The following NEK10 variants were observed in gnomAD, a reference collection of about 807,000 sequenced individuals.
NEK10 encodes NIMA related kinase 10, also known as serine/threonine-protein kinase Nek10.
NEK10 carries 122 observed loss-of-function variants against 159.8 expected under a neutral mutation model. The observed-to-expected ratio is 0.76, with a 90% CI of 0.66 to 0.89. NEK10 has a LOEUF of 0.89. Ranked by LOEUF, NEK10 falls within the 40% of genes least tolerant of loss-of-function variation. NEK10 has a pLI of 0.00. For synonymous variants in NEK10, 466 were observed against 457.1 expected, an observed-to-expected ratio of 1.02 and a Z score of -0.25; for missense variants, 1,342 against 1,323.1, an observed-to-expected ratio of 1.01 and a Z score of -0.22.
intron 26 of NEK10, among the ~76,000 whole-genome samples, chr3:27,187,499 T>C (rs773176159): frequency 2.6e-5 from 4 of 152,024 alleles, no homozygotes; most frequent in Non-Finnish European, 5.9e-5. Context: ...TGGGACTAGA[T>C]GGAAACCAAG....
At chr3:27,198,170 A>C (rs901550418) in intron 25 of NEK10, among the ~76,000 whole-genome samples, 6 of 152,086 alleles carry the variant, frequency 3.9e-5, no homozygotes, top group Non-Finnish European at 7.4e-5. Flanking sequence ...TCACAGATAG[A>C]AAGAATCAAT....
intron 5 of NEK10, among the ~76,000 whole-genome samples, chr3:27,342,670 T>A (rs1241925890): frequency 6.6e-6 from 1 of 152,182 alleles, no homozygotes; most frequent in Non-Finnish European, 1.5e-5. Context: ...TTTAGAATTG[T>A]TGAGATCTTT....
chr3:27,262,652 G>A (rs998855760), intron 22 of NEK10, among the ~76,000 whole-genome samples: 26 of 152,146 alleles, frequency 1.7e-4, no homozygotes, highest in African/African-American at 6.0e-4. Flanking sequence ...CATTCATCAT[G>A]TAGTTCTCGT....
intron 23 of NEK10, among the ~76,000 whole-genome samples, chr3:27,211,180 A>C (rs1001395159): frequency 1.3e-5 from 2 of 152,230 alleles, no homozygotes; most frequent in Non-Finnish European, 2.9e-5. Flanking sequence ...ACAGAATGAC[A>C]CAATTGATTT....
intron 26 of NEK10, among the ~76,000 whole-genome samples, chr3:27,188,997 C>T (rs1296004733): frequency 2.6e-5 from 4 of 152,096 alleles, no homozygotes; most frequent in Non-Finnish European, 5.9e-5. Context: ...ATTATGATGC[C>T]ACAATACCCT....
chr3:27,116,410 GTA>G (rs1240275708), intron 33 of NEK10, among the ~76,000 whole-genome samples: 20 of 152,256 alleles, frequency 1.3e-4, no homozygotes, highest in African/African-American at 4.6e-4. Flanking sequence ...GTGTGTGTGT[GTA>G]TGTGTTAAGG....
intron 31 of NEK10, among the ~76,000 whole-genome samples, chr3:27,136,254 A>G (rs979689229): frequency 6.6e-6 from 1 of 151,594 alleles, no homozygotes; most frequent in Non-Finnish European, 1.5e-5. Flanking sequence ...CTGGGACTAC[A>G]GGCGCCCACC....
chr3:27,369,271 G>A lies in NEK10; in HGVS notation c.-84C>T, dbSNP rs2049337329. On this transcript the variant is annotated 5_prime_UTR_variant, in exon 1 of 36. Transcript: ENST00000691995. The surrounding 1 kb of genome is among the most constrained non-coding windows in gnomAD (Gnocchi z 4.2). ...CCTTCAGGCCAATCTCCTTATCATTGTCCCTGCTGCTGTCACCTGCTGCTG... is the reference window on the plus strand; with the variant it reads ...CCTTCAGGCCAATCTCCTTATCATTATCCCTGCTGCTGTCACCTGCTGCTG... The A allele has an allele frequency of 6.6e-6, 1 of 152,424 alleles. No homozygotes were observed. The highest frequency in any genetic ancestry group is 2.4e-5 in the African/African-American group (1 of 41,418). 9.4% of individuals were successfully genotyped at this position (152,424 alleles called of 1,614,324 possible). A position where few individuals can be genotyped will look rare whatever the true frequency, so the allele number is the denominator to read the frequency against.
intron 35 of NEK10, among the ~76,000 whole-genome samples, 175 bp from the exon 36 acceptor site, chr3:27,111,495 G>C (rs1433425106): frequency 2.0e-5 from 3 of 152,152 alleles, no homozygotes; most frequent in African/African-American, 4.8e-5. Flanking sequence ...GCTGAAGTCT[G>C]GTGCTAACAA....
At chr3:27,114,267 C>T (rs1188150190) in intron 35 of NEK10, among the ~76,000 whole-genome samples, 5 of 152,146 alleles carry the variant, frequency 3.3e-5, no homozygotes, top group African/African-American at 1.2e-4. Context: ...GTTCCTGTTA[C>T]CATTTTCTTT....
At chr3:27,353,718 A>C (rs2048133758) in intron 1 of NEK10, among the ~76,000 whole-genome samples, 1 of 152,128 alleles carries the variant, frequency 6.6e-6, no homozygotes, top group Non-Finnish European at 1.5e-5. Context: ...TCTTTCATTC[A>C]ACAAATATTT....
chr3:27,360,517 A>G (rs1466325329), intron 1 of NEK10, among the ~76,000 whole-genome samples: 2 of 152,238 alleles, frequency 1.3e-5, no homozygotes, highest in Non-Finnish European at 2.9e-5. Flanking sequence ...GCCACACTGC[A>G]TCTTTAGGAG....
chr3:27,152,309 A>G (rs1944961625), intron 30 of NEK10, among the ~76,000 whole-genome samples: 1 of 152,236 alleles, frequency 6.6e-6, no homozygotes. Flanking sequence ...CAGAAACCCT[A>G]CAAGCTAGAA....
chr3:27,158,649 C>T (rs192417418), intron 30 of NEK10, among the ~76,000 whole-genome samples: 64 of 152,216 alleles, frequency 4.2e-4, no homozygotes, highest in South Asian at 2.9e-3. Context: ...ATCGGTTCAG[C>T]GCCTGGGTGT....
chr3:27,237,611 A>T (rs1406883060), intron 23 of NEK10, among the ~76,000 whole-genome samples: 2 of 152,002 alleles, frequency 1.3e-5, no homozygotes, highest in African/African-American at 4.8e-5. Flanking sequence ...GAGTATGCAA[A>T]GGCATAAGAA....
At chr3:27,237,028 G>A (rs1954000342) in intron 23 of NEK10, among the ~76,000 whole-genome samples, 1 of 152,094 alleles carries the variant, frequency 6.6e-6, no homozygotes. Context: ...CCCCAGGAAT[G>A]CATTCCTTCC....
intron 23 of NEK10, among the ~76,000 whole-genome samples, chr3:27,210,913 G>A (rs1489346676): frequency 3.1e-4 from 47 of 152,148 alleles, no homozygotes; most frequent in Admixed American, 3.1e-3. Context: ...GTAGATAACT[G>A]CTACAACTAA....
chr3:27,134,361 CA>C (rs1223889602), intron 31 of NEK10, among the ~76,000 whole-genome samples: 1 of 152,114 alleles, frequency 6.6e-6, no homozygotes, highest in Non-Finnish European at 1.5e-5. Flanking sequence ...TTCCCCAAAC[CA>C]AACACCAGAG....
At chr3:27,256,499 A>T in intron 22 of NEK10, 128 bp from the exon 23 acceptor site, 1 of 420,352 alleles carries the variant, frequency 2.4e-6, no homozygotes, top group Non-Finnish European at 4.2e-6. Flanking sequence ...TCTTAATGCT[A>T]TATATTTTGA....
Sources: gnomAD v4.1 joint callset for allele counts (sites outside exome capture counted in the v4.1 genomes callset) on GRCh38, gnomAD v4.1.1 for gene constraint, Gnocchi (gnomAD v3.1) non-coding constraint, MANE v1.5 for transcripts, NCBI Gene and HGNC (gene_info 2026-07-23, HGNC 2026-07-21) for gene names.